The following SGSM3 variants were observed in gnomAD, a reference collection of about 807,000 sequenced individuals.
The protein encoded by SGSM3 is small G protein signaling modulator 3.
Under a neutral mutation model 100.5 loss-of-function variants are expected in SGSM3, and 96 were observed. The observed-to-expected ratio is 0.96, with a 90% confidence interval of 0.81 to 1.13. The LOEUF (loss-of-function observed/expected upper bound fraction) is 1.13, where lower values mean the gene tolerates loss of function less well. SGSM3 is among the 50% of genes most tolerant of loss of function. SGSM3 has a pLI of 0.00. For missense variants in SGSM3, 1,001 were observed against 1,015.8 expected, an observed-to-expected ratio of 0.99 and a Z score of 0.20; for synonymous variants, 483 against 422.8, an observed-to-expected ratio of 1.14 and a Z score of -1.75.
intron 1 of SGSM3, among the ~76,000 whole-genome samples, chr22:40,384,777 C>T (rs2048167508): frequency 6.6e-6 from 1 of 151,512 alleles, no homozygotes; most frequent in Non-Finnish European, 1.5e-5. Context: ...CAAGACTCCA[C>T]CTCAAAAAAA....
chr22:40,396,006 A>C (rs1329716359), intron 1 of SGSM3, among the ~76,000 whole-genome samples: 1 of 152,220 alleles, frequency 6.6e-6, no homozygotes, highest in Non-Finnish European at 1.5e-5. Context: ...GGCGCCAAGG[A>C]GAAAAACCAG....
chr22:40,398,020 T>C (rs561231609), intron 1 of SGSM3, among the ~76,000 whole-genome samples: 22 of 144,026 alleles, frequency 1.5e-4, no homozygotes, highest in Admixed American at 7.1e-4. Flanking sequence ...CAGGCTGGAA[T>C]GCAGTGGCGC....
rs576887274 is a variant in SGSM3, at chr22:40,385,992, C to T, written c.-111-14704C>T. ...TCAACTTCCCAGGTAGCTGGGACTACAGGCGCACGCCACCATGCCCGGCTA... is the reference window on the plus strand; with the variant it reads ...TCAACTTCCCAGGTAGCTGGGACTATAGGCGCACGCCACCATGCCCGGCTA... On this transcript the variant is annotated intron_variant, in intron 1 of 21. Transcript: ENST00000248929. Among the ~76,000 whole-genome samples the T allele has an allele frequency of 3.9e-5, 6 of 152,068 alleles. No individual in the cohort carries two copies. In the South Asian group the frequency reaches 1.2e-3, roughly 32 times the overall value.
At position 40,410,161 on chromosome 22, in the gene SGSM3, A is replaced by AGGTT. The variant is rs2147038068; in HGVS notation, c.*403_*406dup. 3.7e-6 allele frequency: 4 copies of AGGTT among 1,095,410 alleles called. No individual in the cohort carries two copies. In the African/African-American group the frequency reaches 6.5e-5, roughly 18 times the overall value. The allele number at this position is 1,095,410 out of a possible 1,614,324, so 67.9% of individuals were successfully genotyped here. On this transcript the variant is annotated 3_prime_UTR_variant, in exon 22 of 22. Coordinates refer to ENST00000248929, the MANE Select transcript of SGSM3 (RefSeq NM_015705.6). ...GGCTGCAGAGCTGTATTCAGGTCCA[A>AGGTT]GGTTCTGCCCTTCCTTGAGTGGTCT...
chr22:40,390,070 A>G (rs981356347), intron 1 of SGSM3, among the ~76,000 whole-genome samples: 6 of 152,228 alleles, frequency 3.9e-5, no homozygotes, highest in Non-Finnish European at 7.3e-5. Flanking sequence ...CATTTCACAG[A>G]TACGGAACAA....
chr22:40,408,108 G>A lies in SGSM3; in HGVS notation c.1617G>A (p.Glu539=). Residue 539 remains glutamate (E), a synonymous_variant, in exon 15 of 22, where the codon GAG becomes GAA. Transcript: ENST00000248929. The stretch of plus-strand genomic sequence containing the variant: ...CCAAGTTCGTGGAAGTCCTGGATGA[G>A]CGCAGCAAAGAGGTGAGGGGGGTGG... ...FPAKFVEVLD[E]RSKEYSIAGD... 1 of 1,612,922 alleles carries A rather than the reference G, an allele frequency of 6.2e-7. No homozygotes were observed. Among genetic ancestry groups the A allele is most frequent in the Non-Finnish European group, 8.5e-7 (1 of 1,179,514 alleles).
At chr22:40,408,748 G>A in intron 17 of SGSM3, 46 bp from the exon 18 acceptor site, 1 of 1,613,870 alleles carries the variant, frequency 6.2e-7, no homozygotes, top group Non-Finnish European at 8.5e-7. Context: ...GGGAGGGCGG[G>A]GCCTGACCCA....
chr22:40,409,621 G>A lies in SGSM3; in HGVS notation c.2173-61G>A, dbSNP rs139198018. 1.9e-3 allele frequency: 3,113 copies of A among 1,613,122 alleles called. 47 individuals carry two copies. In the African/African-American group the frequency reaches 0.034, roughly 18 times the overall value. ...GGGAACCCGAAGTGCTGGTGTCAGC[G>A]GTTAGGAACTACCCCAGCCATGCCC... On this transcript the variant is annotated intron_variant, in intron 21 of 21. Transcript: ENST00000248929.
intron 1 of SGSM3, among the ~76,000 whole-genome samples, chr22:40,386,471 C>T (rs2048461916): frequency 6.7e-6 from 1 of 149,966 alleles, no homozygotes; most frequent in Non-Finnish European, 1.5e-5. Context: ...GTTTTTGATT[C>T]AGTTTCAGAT....
At chr22:40,409,180 G>A (rs758162245) in intron 19 of SGSM3, 70 bp from the exon 20 acceptor site, 54 of 1,555,894 alleles carry the variant, frequency 3.5e-5, no homozygotes, top group Non-Finnish European at 4.4e-5. Flanking sequence ...CAGGTCAGAG[G>A]CTTCCACCGT....
Position 40,409,544 on chromosome 22 carries a change from G to T in SGSM3, c.2172+19G>T. On this transcript the variant is annotated intron_variant, in intron 21 of 21. Transcript: ENST00000248929. ...GAGAGAGGTGGGTGGTGTGGGCCTC[G>T]TAGGGCCTGCACTGATGGAGCTGCC... The T allele has an allele frequency of 1.2e-6, 2 of 1,606,642 alleles. No homozygotes were observed. The highest frequency in any genetic ancestry group is 1.1e-5 in the South Asian group (1 of 90,214).
At position 40,400,698 on chromosome 22, in the gene SGSM3, C is replaced by A; in HGVS notation, c.-109C>A. 9.7e-7 allele frequency: 1 copy of A among 1,028,146 alleles called. No individual in the cohort carries two copies. Among genetic ancestry groups the A allele is most frequent in the Admixed American group, 2.2e-5 (1 of 45,292 alleles). The allele number at this position is 1,028,146 out of a possible 1,614,324, so 63.7% of individuals were successfully genotyped here. ...TTTCCTCTTTTCTCTTCTAACAGGG[C>A]AGATGATTCTGGACCAGATGAAGCC... is the stretch of plus-strand genomic sequence containing the variant. On this transcript the variant is annotated splice_region_variant and 5_prime_UTR_variant, in exon 2 of 22. Coordinates refer to ENST00000248929, the MANE Select transcript of SGSM3 (RefSeq NM_015705.6).
chr22:40,374,435 G>A lies in SGSM3; in HGVS notation c.-112+3747G>A, dbSNP rs563644064. 2.6e-5 allele frequency among the ~76,000 whole-genome samples: 4 copies of A among 152,320 alleles called. No homozygotes were observed. In the East Asian group the frequency reaches 5.8e-4, roughly 22 times the overall value. The stretch of plus-strand genomic sequence containing the variant: ...AGAGATGACATGGTTGAAAGATACA[G>A]TATAGGCTTTAGAGTCTGACAGATC... On this transcript the variant is annotated intron_variant, in intron 1 of 21. Transcript: ENST00000248929.
At chr22:40,380,370 T>A (rs375973013) in intron 1 of SGSM3, among the ~76,000 whole-genome samples, 45 of 151,290 alleles carry the variant, frequency 3.0e-4, no homozygotes, top group Non-Finnish European at 3.2e-4. Context: ...TATAATTTTT[T>A]TTTTTTTTTT....
At chr22:40,401,251 T>A (rs2146955328) in intron 2 of SGSM3, among the ~76,000 whole-genome samples, 1 of 151,686 alleles carries the variant, frequency 6.6e-6, no homozygotes, top group East Asian at 1.9e-4. Context: ...CTGCATTTTC[T>A]ATTTTTTTTT....
chr22:40,407,594 G>C lies in SGSM3; in HGVS notation c.1524+26G>C. On this transcript the variant is annotated intron_variant, in intron 13 of 21. Transcript: ENST00000248929. This position sits in a 1 kb window ranked among gnomAD's most constrained non-coding sequence, Gnocchi z 4.7. ...GTGCGTGGGGGCGCTGGACTACCAG[G>C]TCCTCAGGCTGTGGCGGGTTCCCCA... 1 of 1,598,340 alleles carries C rather than the reference G, an allele frequency of 6.3e-7. No individual in the cohort carries two copies. Among genetic ancestry groups the C allele is most frequent in the Non-Finnish European group, 8.5e-7 (1 of 1,176,446 alleles).
chr22:40,388,724 A>C (rs930117293), intron 1 of SGSM3, among the ~76,000 whole-genome samples: 32 of 152,196 alleles, frequency 2.1e-4, no homozygotes, highest in Non-Finnish European at 3.8e-4. Flanking sequence ...CGGCAGCCTC[A>C]ACTAGAAAGT....
At position 40,408,851 on chromosome 22, in the gene SGSM3, G is replaced by A. The variant is rs756564929; in HGVS notation, c.1902+9G>A. On this transcript the variant is annotated intron_variant, in intron 18 of 21. Transcript: ENST00000248929. ...AGGAGCTGCTCTACCGGGTAAGGGG[G>A]CCTCCTCTGCCAGACCCTAGAGACC... 1 of 1,613,882 alleles carries A rather than the reference G, an allele frequency of 6.2e-7. No individual in the cohort carries two copies. Among genetic ancestry groups the A allele is most frequent in the Non-Finnish European group, 8.5e-7 (1 of 1,180,008 alleles).
At chr22:40,373,849 C>T (rs778329654) in intron 1 of SGSM3, among the ~76,000 whole-genome samples, 3 of 152,150 alleles carry the variant, frequency 2.0e-5, no homozygotes, top group Non-Finnish European at 2.9e-5. Context: ...CTCTTGACCT[C>T]GTGATCCGCC....
Sources: gnomAD v4.1 joint callset for allele counts (sites outside exome capture counted in the v4.1 genomes callset) on GRCh38, gnomAD v4.1.1 for gene constraint, Gnocchi (gnomAD v3.1) non-coding constraint, MANE v1.5 for transcripts, NCBI Gene and HGNC (gene_info 2026-07-23, HGNC 2026-07-21) for gene names.